DLC1: variants seen among roughly 807,000 people sequenced by gnomAD.
The protein encoded by DLC1 is rho GTPase-activating protein 7.
Under a neutral mutation model 140.3 loss-of-function variants are expected in DLC1, and 54 were observed. The ratio of observed to expected loss-of-function variants is 0.38; its 90% CI spans 0.31 to 0.48. The LOEUF (loss-of-function observed/expected upper bound fraction) is 0.48. DLC1 is among the 20% of genes least tolerant of loss of function. The pLI, the probability that DLC1 is intolerant of heterozygous loss-of-function variation, is 0.96. For missense variants in DLC1, 2,536 were observed against 1,907.0 expected (o/e 1.33, Z -6.14); for synonymous variants, 986 against 728.1 (o/e 1.35, Z -5.70).
intron 5 of DLC1, among the ~76,000 whole-genome samples, chr8:13,163,549 T>C (rs1015001100): frequency 5.3e-5 from 8 of 151,454 alleles, no homozygotes; most frequent in Admixed American, 3.3e-4. Flanking sequence ...GTGTGTGGGG[T>C]GGGATGGGAA....
At chr8:13,524,293 A>G (rs1326316505) in intron 1 of DLC1, among the ~76,000 whole-genome samples, 2 of 151,662 alleles carry the variant, frequency 1.3e-5, no homozygotes, top group Non-Finnish European at 2.9e-5. Context: ...ACCCACCACC[A>G]TACCAAGCTA....
intron 5 of DLC1, among the ~76,000 whole-genome samples, chr8:13,136,188 G>A (rs1279548222): frequency 1.3e-5 from 2 of 152,174 alleles, no homozygotes; most frequent in Admixed American, 6.5e-5. Flanking sequence ...ATTTGTTTAT[G>A]TTATAATTTA....
intron 2 of DLC1, among the ~76,000 whole-genome samples, chr8:13,415,182 C>G (rs986325355): frequency 2.0e-5 from 3 of 151,858 alleles, no homozygotes; most frequent in African/African-American, 7.3e-5. Context: ...ATTTAAAACA[C>G]TTTAGTGATT....
intron 4 of DLC1, among the ~76,000 whole-genome samples, chr8:13,384,839 C>G (rs1185112979): frequency 1.3e-5 from 2 of 152,046 alleles, no homozygotes; most frequent in Non-Finnish European, 2.9e-5. Context: ...GAATGCAATG[C>G]CTTAGCGACA....
chr8:13,526,791 AG>A, intron 1 of DLC1, among the ~76,000 whole-genome samples: 1 of 151,986 alleles, frequency 6.6e-6, no homozygotes, highest in Non-Finnish European at 1.5e-5. Context: ...GGGACAGGGG[AG>A]GGATAGCATT....
At chr8:13,470,276 T>C (rs1800146900) in intron 2 of DLC1, among the ~76,000 whole-genome samples, 1 of 152,218 alleles carries the variant, frequency 6.6e-6, no homozygotes, top group Admixed American at 6.5e-5. Context: ...ATGTACTAGC[T>C]AACTATAACA....
At chr8:13,259,373 G>A (rs748840603) in intron 5 of DLC1, among the ~76,000 whole-genome samples, 66 of 150,840 alleles carry the variant, frequency 4.4e-4, no homozygotes, top group Non-Finnish European at 8.4e-4. Flanking sequence ...AATTTTACAC[G>A]ATCTTAATTT....
chr8:13,089,277 T>C (rs1817837095), intron 15 of DLC1, among the ~76,000 whole-genome samples: 1 of 71,500 alleles, frequency 1.4e-5, no homozygotes. Flanking sequence ...AAGAAAAAAA[T>C]GATGACATTT....
chr8:13,429,557 G>GC (rs1434162621), intron 2 of DLC1, among the ~76,000 whole-genome samples: 1 of 152,112 alleles, frequency 6.6e-6, no homozygotes, highest in East Asian at 1.9e-4. Flanking sequence ...TCATGCAGCA[G>GC]CAAGTTTGGC....
chr8:13,556,354 C>A (rs779454208), intron 1 of DLC1, among the ~76,000 whole-genome samples: 2 of 152,168 alleles, frequency 1.3e-5, no homozygotes, highest in Admixed American at 6.5e-5. Flanking sequence ...AATCACCTGG[C>A]AATCCTAGAA....
intron 4 of DLC1, among the ~76,000 whole-genome samples, chr8:13,354,492 G>C (rs1351589783): frequency 2.0e-5 from 3 of 146,884 alleles, no homozygotes; most frequent in African/African-American, 7.6e-5. Flanking sequence ...ATTTTAGTAT[G>C]GGCATGGAAA....
At chr8:13,488,630 G>A (rs149443435) in intron 2 of DLC1, among the ~76,000 whole-genome samples, 1 of 152,130 alleles carries the variant, frequency 6.6e-6, no homozygotes, top group African/African-American at 2.4e-5. Context: ...AGACTTTTCT[G>A]ACCTCCCCAT....
At chr8:13,315,275 TTAA>T (rs1323864350) in intron 4 of DLC1, among the ~76,000 whole-genome samples, 1 of 152,168 alleles carries the variant, frequency 6.6e-6, no homozygotes, top group African/African-American at 2.4e-5. Context: ...TACATACATG[TTAA>T]TAATAAAAAG....
At position 13,084,203 on chromosome 8, in the gene DLC1, T is replaced by C. The variant is rs1304037780; in HGVS notation, c.*1608A>G. 6.6e-6 allele frequency: 1 copy of C among 152,596 alleles called. No individual in the cohort carries two copies. Among genetic ancestry groups the C allele is most frequent in the Non-Finnish European group, 1.5e-5 (1 of 68,030 alleles). The allele number at this position is 152,596 out of a possible 1,614,324, so 9.5% of individuals were successfully genotyped here. A position where few individuals can be genotyped will look rare whatever the true frequency, so the allele number is the denominator to read the frequency against. On this transcript the variant is annotated 3_prime_UTR_variant, in exon 18 of 18. Transcript: ENST00000276297. ...ATAGAATGGTATATACAACATACAA[T>C]CTTACAAATCTGGAAGCCATCAAAA... is the stretch of plus-strand genomic sequence containing the variant.
At chr8:13,202,983 A>G (rs1241537850) in intron 5 of DLC1, among the ~76,000 whole-genome samples, 2 of 152,140 alleles carry the variant, frequency 1.3e-5, no homozygotes, top group African/African-American at 2.4e-5. Flanking sequence ...CTTGTAACAC[A>G]TCTTATTTCC....
intron 13 of DLC1, 107 bp downstream of exon 13, chr8:13,092,505 C>T (rs1413621570): frequency 2.3e-6 from 3 of 1,279,082 alleles, no homozygotes; most frequent in Non-Finnish European, 3.3e-6. Flanking sequence ...GCGGTCTAAC[C>T]TTCTTGCTTG....
chr8:13,386,524 A>G (rs1836526792), intron 4 of DLC1, among the ~76,000 whole-genome samples: 1 of 152,130 alleles, frequency 6.6e-6, no homozygotes, highest in African/African-American at 2.4e-5. Flanking sequence ...CCCATCACAG[A>G]CAAGACTGTC....
rs535219147 is a variant in DLC1, at chr8:13,542,961, T to G, written c.-125-42765A>C. On this transcript the variant is annotated intron_variant, in intron 1 of 1. Transcript: ENST00000631382. ...TTGGCAAATGTTTTTCTGCACCTACTGAAATTATGATATGATTTGTCTTCT... is the reference window on the plus strand; with the variant it reads ...TTGGCAAATGTTTTTCTGCACCTACGGAAATTATGATATGATTTGTCTTCT... Among the ~76,000 whole-genome samples the G allele has an allele frequency of 5.3e-5, 8 of 152,282 alleles. No homozygotes were observed. In the East Asian group the frequency reaches 1.4e-3, roughly 26 times the overall value.
At position 13,287,158 on chromosome 8, in the gene DLC1, C is replaced by T. The variant is rs183223535; in HGVS notation, c.1348+18111G>A. On this transcript the variant is annotated intron_variant, in intron 5 of 17. Coordinates refer to ENST00000276297, the MANE Select transcript of DLC1 (RefSeq NM_182643.3). ...TCTCTTCAACTAAACAGCTGGGAAACTCTGACTCTAACTTTCCCTCCCACT... is the reference window on the plus strand; with the variant it reads ...TCTCTTCAACTAAACAGCTGGGAAATTCTGACTCTAACTTTCCCTCCCACT... Among the ~76,000 whole-genome samples the T allele has an allele frequency of 8.2e-3, 1,248 of 152,300 alleles. 9 individuals are homozygous for T. The highest frequency in any genetic ancestry group is 0.012 in the Non-Finnish European group (811 of 68,020).
Sources: gnomAD v4.1 joint callset for allele counts (sites outside exome capture counted in the v4.1 genomes callset) on GRCh38, gnomAD v4.1.1 for gene constraint, MANE v1.5 for transcripts, NCBI Gene and HGNC (gene_info 2026-07-23, HGNC 2026-07-21) for gene names.